The following TRPC5 variants were observed in gnomAD, a reference collection of about 807,000 sequenced individuals.
TRPC5 encodes transient receptor potential cation channel subfamily C member 5.
TRPC5 carries 9 observed loss-of-function variants against 56.5 expected under a neutral mutation model. The ratio of observed to expected loss-of-function variants is 0.16; its 90% CI spans 0.10 to 0.28. The LOEUF (loss-of-function observed/expected upper bound fraction) is 0.28, where lower values mean the gene tolerates loss of function less well. TRPC5 is among the 10% of genes least tolerant of loss of function. The pLI is 1.00. For missense variants in TRPC5, 469 were observed against 748.9 expected, an observed-to-expected ratio of 0.63 and a Z score of 4.36; for synonymous variants, 282 against 278.5, an observed-to-expected ratio of 1.01 and a Z score of -0.13.
chrX:112,045,513 G>A (rs1294118612), intron 1 of TRPC5, among the ~76,000 whole-genome samples: 2 of 112,020 alleles, frequency 1.8e-5, no homozygotes, highest in African/African-American at 6.5e-5. Flanking sequence ...CGTTACAGCA[G>A]TCACAGAAAA....
intron 1 of TRPC5, among the ~76,000 whole-genome samples, chrX:112,051,372 G>T (rs1308185167): frequency 9.0e-6 from 1 of 111,576 alleles, no homozygotes; most frequent in Non-Finnish European, 1.9e-5. Flanking sequence ...ACTGTCTGGG[G>T]TGAATTCTGT....
In TRPC5 at chrX:111,786,440, G is replaced by A. The variant is rs768138346; in HGVS notation, c.1897-4302C>T. ...GCACTAAACATGGATAGAAACAACC[G>A]GTACTAGCCACTGCAAAAATATGCC... On this transcript the variant is annotated intron_variant, in intron 7 of 10. Coordinates refer to ENST00000262839, the MANE Select transcript of TRPC5 (RefSeq NM_012471.3). Among the ~76,000 whole-genome samples, 133 of 111,442 alleles carry A rather than the reference G, an allele frequency of 1.2e-3. 4 individuals carry two copies. The highest frequency in any genetic ancestry group is 5.1e-4 in the Non-Finnish European group (27 of 53,160).
chrX:111,832,952 T>C (rs996919840), intron 7 of TRPC5, among the ~76,000 whole-genome samples: 4 of 111,306 alleles, frequency 3.6e-5, no homozygotes, highest in African/African-American at 1.3e-4. Flanking sequence ...AAATCAGCTA[T>C]CAGACACCCA....
chrX:112,013,454 T>G (rs1929043036), intron 1 of TRPC5, among the ~76,000 whole-genome samples: 1 of 111,700 alleles, frequency 9.0e-6, no homozygotes, highest in South Asian at 3.8e-4. Flanking sequence ...GCCTGGCTCA[T>G]TTTGAAACAG....
chrX:112,067,525 A>G (rs1930613328), intron 1 of TRPC5, among the ~76,000 whole-genome samples: 1 of 111,837 alleles, frequency 8.9e-6, no homozygotes, highest in African/African-American at 3.3e-5. Context: ...TGTCACTGAG[A>G]GGTCATCCTA....
chrX:112,007,840 G>C (rs1928882972), intron 1 of TRPC5, among the ~76,000 whole-genome samples: 1 of 111,616 alleles, frequency 9.0e-6, no homozygotes. Flanking sequence ...AGCCTGGCAA[G>C]TCTGCTTGTT....
chrX:111,850,849 A>G (rs997509835), intron 5 of TRPC5, among the ~76,000 whole-genome samples: 1 of 112,132 alleles, frequency 8.9e-6, no homozygotes, highest in African/African-American at 3.2e-5. Flanking sequence ...CCTTTTCTTC[A>G]TCATTTATTC....
At chrX:111,971,030 G>A (rs1445298987) in intron 1 of TRPC5, among the ~76,000 whole-genome samples, 2 of 110,881 alleles carry the variant, frequency 1.8e-5, no homozygotes, top group Admixed American at 9.5e-5. Context: ...CGCCCGCCTC[G>A]GCCTCCCAAA....
intron 7 of TRPC5, among the ~76,000 whole-genome samples, chrX:111,806,483 C>T (rs1477755451): frequency 8.9e-6 from 1 of 112,146 alleles, no homozygotes; most frequent in East Asian, 2.8e-4. Flanking sequence ...AGAGGCCTCC[C>T]TCAGTTCCTT....
At chrX:111,974,930 G>A (rs1927879313) in intron 1 of TRPC5, among the ~76,000 whole-genome samples, 1 of 111,647 alleles carries the variant, frequency 9.0e-6, no homozygotes, top group Non-Finnish European at 1.9e-5. Flanking sequence ...AATAGAGGAT[G>A]ACAAAAAACT....
chrX:111,966,163 A>C (rs368398360), intron 1 of TRPC5, among the ~76,000 whole-genome samples: 1 of 111,510 alleles, frequency 9.0e-6, no homozygotes, highest in East Asian at 2.8e-4. Context: ...ACCGATCCCA[A>C]AGAAATACAA....
At chrX:112,055,398 T>C (rs1488679484) in intron 1 of TRPC5, among the ~76,000 whole-genome samples, 1 of 110,949 alleles carries the variant, frequency 9.0e-6, no homozygotes, top group Non-Finnish European at 1.9e-5. Context: ...TGAGGTATCT[T>C]TTTTTTTGGC....
At chrX:111,966,814 T>C (rs1301398671) in intron 1 of TRPC5, among the ~76,000 whole-genome samples, 2 of 112,373 alleles carry the variant, frequency 1.8e-5, no homozygotes, top group African/African-American at 6.5e-5. Context: ...AAATTAGGTA[T>C]TGATGGGACG....
At chrX:111,913,204 A>G (rs1925869871) in intron 2 of TRPC5, among the ~76,000 whole-genome samples, 1 of 111,792 alleles carries the variant, frequency 8.9e-6, no homozygotes, top group Non-Finnish European at 1.9e-5. Context: ...ATGCAATGAC[A>G]ACATGCCCAT....
chrX:112,031,874 G>GTATA (rs201428272), intron 1 of TRPC5, among the ~76,000 whole-genome samples: 128 of 106,108 alleles, frequency 1.2e-3, no homozygotes, highest in African/African-American at 3.9e-3. Flanking sequence ...ATATTCCATT[G>GTATA]TATATATATA....
chrX:111,897,288 A>C (rs964142282), intron 3 of TRPC5, among the ~76,000 whole-genome samples: 5 of 111,821 alleles, frequency 4.5e-5, no homozygotes, highest in African/African-American at 6.5e-5. Flanking sequence ...TAGGTCTCCC[A>C]TTAATGTGAC....
At chrX:111,857,279 T>G (rs1005827838) in intron 3 of TRPC5, among the ~76,000 whole-genome samples, 1 of 111,540 alleles carries the variant, frequency 9.0e-6, no homozygotes, top group African/African-American at 3.3e-5. Flanking sequence ...TGACTTAGAC[T>G]AAGGAAATGG....
intron 1 of TRPC5, among the ~76,000 whole-genome samples, chrX:112,050,923 C>T (rs981236511): frequency 1.2e-4 from 14 of 112,133 alleles, no homozygotes; most frequent in Non-Finnish European, 1.1e-4. Context: ...CTCTAAGTTC[C>T]CATGGTTAGC....
chrX:111,807,376 A>G (rs1012303489), intron 7 of TRPC5, among the ~76,000 whole-genome samples: 2 of 112,261 alleles, frequency 1.8e-5, no homozygotes, highest in African/African-American at 6.5e-5. Flanking sequence ...CAGTATGCCA[A>G]TTGCACTTTT....
Sources: gnomAD v4.1 joint callset for allele counts (sites outside exome capture counted in the v4.1 genomes callset) on GRCh38, gnomAD v4.1.1 for gene constraint, MANE v1.5 for transcripts, NCBI Gene and HGNC (gene_info 2026-07-23, HGNC 2026-07-21) for gene names.